NELFA: variants seen among roughly 807,000 people sequenced by gnomAD.
NELFA encodes the protein negative elongation factor complex member A, also known as negative elongation factor A.
In NELFA, 35 loss-of-function variants were observed where a neutral mutation model predicts 51.8. The observed-to-expected ratio is 0.68, with a 90% CI of 0.52 to 0.90. NELFA has a LOEUF of 0.90. NELFA is among the 40% of genes least tolerant of loss of function. NELFA has a pLI of 0.00. For missense variants in NELFA, 658 were observed against 746.4 expected, an observed-to-expected ratio of 0.88 and a Z score of 1.38; for synonymous variants, 417 against 338.4, an observed-to-expected ratio of 1.23 and a Z score of -2.55.
intron 1 of NELFA, chr4:2,003,850 TTTTTTTAA>T (rs1728639121): frequency 6.6e-6 from 1 of 151,956 alleles, no homozygotes; most frequent in South Asian, 2.1e-4. Context: ...TTTTTTTTTT[TTTTTTTAA>T]AGAAGAAATA....
chr4:1,996,704 T>C (rs1728432226), intron 1 of NELFA, among the ~76,000 whole-genome samples: 1 of 152,200 alleles, frequency 6.6e-6, no homozygotes, highest in South Asian at 2.1e-4. Flanking sequence ...AACCAAGGCA[T>C]GTGGATCACT....
At position 1,994,095 on chromosome 4, in the gene NELFA, T is replaced by C. The variant is rs373858189; in HGVS notation, c.211-2380A>G. Among the ~76,000 whole-genome samples the C allele has an allele frequency of 6.6e-5, 10 of 152,302 alleles. No individual in the cohort carries two copies. The East Asian group carries it at 1.2e-3, about 18-fold the overall frequency. ...TTCCCTGGTATAAAGAACTGCTGTT[T>C]ACTAAGCTTTTCAGAGGAATAGGGC... On this transcript the variant is annotated intron_variant, in intron 1 of 10. Coordinates refer to ENST00000382882, the MANE Select transcript of NELFA (RefSeq NM_005663.5).
intron 1 of NELFA, among the ~76,000 whole-genome samples, chr4:2,002,472 C>G (rs539843942): frequency 5.3e-5 from 8 of 152,294 alleles, no homozygotes; most frequent in African/African-American, 1.9e-4. Context: ...CGCTACCTGA[C>G]TTCAAACTAC....
chr4:2,004,414 T>C (rs1024286330), intron 1 of NELFA, among the ~76,000 whole-genome samples: 2 of 152,176 alleles, frequency 1.3e-5, no homozygotes, highest in Non-Finnish European at 2.9e-5. Flanking sequence ...ATCAAACCTG[T>C]AAATATACTA....
chr4:2,005,136 T>G (rs191487766), intron 1 of NELFA, among the ~76,000 whole-genome samples: 1 of 138,094 alleles, frequency 7.2e-6, no homozygotes, highest in Non-Finnish European at 1.6e-5. Flanking sequence ...AAATTCATGA[T>G]TAAAAGATTT....
chr4:1,990,038 C>T (rs1728226438), intron 2 of NELFA, 169 bp from the exon 3 acceptor site: 2 of 685,780 alleles, frequency 2.9e-6, no homozygotes, highest in African/African-American at 1.8e-5. Context: ...TCCAGCAGAA[C>T]ACCCAGGAGC....
rs376272199 is a variant in NELFA at position 1,984,845 on chromosome 4, G to A, written c.999C>T (p.Pro333=). 50 of 1,574,378 alleles carry A rather than the reference G, an allele frequency of 3.2e-5. No individual in the cohort carries two copies. The highest frequency in any genetic ancestry group is 8.2e-5 in the South Asian group (7 of 85,276). ...SYLPSTPSVV[P]ASSYIPSSET... ...CGGAGCTGGGGATGTAGGAGGAGGC[G>A]GGAACCACGCTGGGCGTGGAGGGAA... Residue 333 remains proline (P), a synonymous_variant, in exon 8 of 11, where the codon CCC becomes CCT. Coordinates refer to ENST00000382882, the MANE Select transcript of NELFA (RefSeq NM_005663.5).
At chr4:1,988,094 C>T (rs1336405211) in intron 3 of NELFA, 87 bp from the exon 4 acceptor site, 3 of 1,177,892 alleles carry the variant, frequency 2.5e-6, no homozygotes, top group South Asian at 2.7e-5. Context: ...GTGGATTCAT[C>T]CGACGGCCTG....
chr4:2,002,209 A>G (rs539620090), intron 1 of NELFA, among the ~76,000 whole-genome samples: 5 of 152,282 alleles, frequency 3.3e-5, no homozygotes, highest in Admixed American at 1.3e-4. Flanking sequence ...CAGAAAAAAA[A>G]AGAAAAAACA....
At chr4:1,998,624 C>G (rs1178479457) in intron 1 of NELFA, among the ~76,000 whole-genome samples, 1 of 152,058 alleles carries the variant, frequency 6.6e-6, no homozygotes, top group Non-Finnish European at 1.5e-5. Flanking sequence ...AAGGAACGAA[C>G]AAAGCCTCCA....
Position 1,984,878 on chromosome 4 carries a change from C to G in NELFA, c.966G>C (p.Thr322=), listed in dbSNP as rs778573170. The change falls in exon 8 of 11, where the codon ACG becomes ACC. Residue 322 remains threonine, a synonymous_variant. Coordinates refer to ENST00000382882, the MANE Select transcript of NELFA (RefSeq NM_005663.5). ...CGCTGGGCGTGGAGGGAAGGTAGCT[C>G]GTGGAGGGCAGCGCAGGCTCATTGT... is the stretch of plus-strand genomic sequence containing the variant. ...SLNNEPALPS[T]SYLPSTPSVV... 1.3e-6 allele frequency: 2 copies of G among 1,580,782 alleles called. No individual in the cohort carries two copies. The highest frequency in any genetic ancestry group is 2.3e-5 in the East Asian group (1 of 43,302).
intron 3 of NELFA, among the ~76,000 whole-genome samples, chr4:1,988,309 C>A (rs1315676673): frequency 2.0e-5 from 3 of 152,254 alleles, no homozygotes; most frequent in Non-Finnish European, 4.4e-5. Context: ...TCTCCATCGA[C>A]CCGGGCCTCC....
chr4:1,983,833 C>CCAG lies in NELFA; in HGVS notation c.1302+12_1302+14dup. The CCAG allele has an allele frequency of 6.4e-7, 1 of 1,566,438 alleles. No homozygotes were observed. The highest frequency in any genetic ancestry group is 8.7e-7 in the Non-Finnish European group (1 of 1,154,962). ...CCTACCTGGTGGCCTGTGGGCCCTACCAGTGTACACCTACCGTGAGGGACA... is the reference window on the plus strand; with the variant it reads ...CCTACCTGGTGGCCTGTGGGCCCTACCAGCAGTGTACACCTACCGTGAGGGACA... On this transcript the variant is annotated intron_variant, in intron 9 of 10. Coordinates refer to ENST00000382882, the MANE Select transcript of NELFA (RefSeq NM_005663.5).
intron 1 of NELFA, chr4:1,992,435 G>GCT (rs1560870967): frequency 2.4e-6 from 1 of 424,404 alleles, no homozygotes; most frequent in Admixed American, 2.6e-5. Context: ...ACCAGGGCCT[G>GCT]CTTCGGCCAC....
chr4:1,996,392 TG>T (rs1465302708), intron 1 of NELFA, among the ~76,000 whole-genome samples: 1 of 152,224 alleles, frequency 6.6e-6, no homozygotes, highest in Non-Finnish European at 1.5e-5. Flanking sequence ...AGAGAATTTA[TG>T]GACATACGCA....
intron 7 of NELFA, 64 bp from the exon 8 acceptor site, chr4:1,984,983 GGC>G: frequency 8.3e-7 from 1 of 1,208,038 alleles, no homozygotes; most frequent in Non-Finnish European, 1.2e-6. Flanking sequence ...GCTAACACAT[GGC>G]CCGACCCGGA....
intron 1 of NELFA, chr4:2,003,978 C>A (rs231192): frequency 0.26 from 38,804 of 151,688 alleles, 5,062 homozygotes; most frequent in East Asian, 0.31. Flanking sequence ...CGGTGAAACC[C>A]CGTCTCCACT....
rs750564942 is a variant in NELFA at position 1,985,678 on chromosome 4, A to G, written c.924+98T>C. On this transcript the variant is annotated intron_variant, in intron 7 of 10. Coordinates refer to ENST00000382882, the MANE Select transcript of NELFA (RefSeq NM_005663.5). ...ACAGACTGCACACATATGTACATAC[A>G]TATATATATTCTCCGACAGAGCACA... The G allele has an allele frequency of 2.7e-4, 230 of 848,718 alleles. 1 individual carries two copies. Among genetic ancestry groups the G allele is most frequent in the Non-Finnish European group, 5.7e-5 (30 of 524,610 alleles). The allele number at this position is 848,718 out of a possible 1,614,324, so 52.6% of individuals were successfully genotyped here.
chr4:2,000,969 G>A (rs1490683915), intron 1 of NELFA, among the ~76,000 whole-genome samples: 1 of 152,108 alleles, frequency 6.6e-6, no homozygotes, highest in Non-Finnish European at 1.5e-5. Context: ...TTCATCCCTG[G>A]GATGCAAGGC....
Sources: allele counts gnomAD v4.1 joint callset (sites outside exome capture counted in the v4.1 genomes callset), GRCh38; gene constraint gnomAD v4.1.1; transcripts MANE v1.5; gene names NCBI Gene and HGNC (gene_info 2026-07-23, HGNC 2026-07-21).